The following DISC1 variants were observed in gnomAD, a reference collection of about 807,000 sequenced individuals.
DISC1 encodes the protein DISC1 scaffold protein.
Under a neutral mutation model 84.5 loss-of-function variants are expected in DISC1, and 57 were observed. The observed-to-expected ratio is 0.67, with a 90% CI of 0.55 to 0.84. DISC1 has a LOEUF of 0.84. Ranked by LOEUF, DISC1 falls within the 40% of genes least tolerant of loss-of-function variation. The probability of loss-of-function intolerance (pLI) is 0.00; values close to 1 mark genes in which losing one functional copy is unlikely to be tolerated. For synonymous variants in DISC1, 411 were observed against 415.2 expected (o/e 0.99, Z 0.12); for missense variants, 1,000 against 1,057.8 (o/e 0.95, Z 0.76).
chr1:231,778,431 T>C (rs903479532), intron 6 of DISC1, among the ~76,000 whole-genome samples: 16 of 152,162 alleles, frequency 1.1e-4, no homozygotes, highest in Admixed American at 3.9e-4. Flanking sequence ...AGGAGCTCTA[T>C]GTTAAGTTCC....
chr1:232,014,398 T>G (rs1036567159), intron 11 of DISC1, among the ~76,000 whole-genome samples: 1 of 152,230 alleles, frequency 6.6e-6, no homozygotes, highest in Non-Finnish European at 1.5e-5. Context: ...TTTTGTTTAA[T>G]GTCTTTGGGG....
At chr1:231,895,970 G>T (rs569602072) in intron 9 of DISC1, among the ~76,000 whole-genome samples, 3 of 152,236 alleles carry the variant, frequency 2.0e-5, no homozygotes, top group Admixed American at 2.0e-4. Flanking sequence ...GCTTATTGTC[G>T]TAGCTCAGTA....
chr1:231,776,570 C>T (rs529272897), intron 6 of DISC1, among the ~76,000 whole-genome samples: 3 of 152,222 alleles, frequency 2.0e-5, no homozygotes, highest in South Asian at 4.2e-4. Flanking sequence ...AGTATCCATG[C>T]CCCCAGCCAC....
chr1:231,768,348 GC>G (rs2076311717), intron 5 of DISC1, among the ~76,000 whole-genome samples: 2 of 152,114 alleles, frequency 1.3e-5, no homozygotes, highest in South Asian at 4.1e-4. Flanking sequence ...ATCTGAATTT[GC>G]CCCATCCAGG....
rs1036455793 is a variant in DISC1, at chr1:231,826,304, C to T, written c.1981+7787C>T. Among the ~76,000 whole-genome samples the T allele has an allele frequency of 2.6e-5, 4 of 152,196 alleles. No homozygotes were observed. Among genetic ancestry groups the T allele is most frequent in the African/African-American group, 4.8e-5 (2 of 41,450 alleles). On this transcript the variant is annotated intron_variant, in intron 9 of 12. Coordinates refer to ENST00000439617, the MANE Select transcript of DISC1 (RefSeq NM_018662.3). The surrounding 1 kb of genome is among the most constrained non-coding windows in gnomAD (Gnocchi z 4.2). ...TGTTCTTTATGAATTTGATTCCTAA[C>T]GTCAGTCTCTCTATCCATCCCGCAA...
chr1:231,779,112 A>G (rs2077182079), intron 6 of DISC1, among the ~76,000 whole-genome samples: 1 of 152,134 alleles, frequency 6.6e-6, no homozygotes, highest in South Asian at 2.1e-4. Context: ...AGAGTAAACT[A>G]CCTTCTGACT....
intron 10 of DISC1, among the ~76,000 whole-genome samples, chr1:232,007,086 G>C (rs1184548644): frequency 6.6e-6 from 1 of 152,194 alleles, no homozygotes; most frequent in Non-Finnish European, 1.5e-5. Context: ...GATTTCAGAG[G>C]ATGTATGGAA....
intron 9 of DISC1, among the ~76,000 whole-genome samples, chr1:231,864,392 A>G (rs973576423): frequency 2.6e-5 from 4 of 152,102 alleles, no homozygotes; most frequent in Admixed American, 6.5e-5. Flanking sequence ...GGCCGGGCGC[A>G]GTGGCTCACG....
intron 10 of DISC1, among the ~76,000 whole-genome samples, chr1:232,002,595 GCACACACACACACA>G (rs55740228): frequency 0.018 from 2,643 of 143,714 alleles, 41 homozygotes; most frequent in African/African-American, 0.042. Context: ...ATTATGCTGA[GCACACACACACACA>G]CACACACACA....
In DISC1 at chr1:231,750,082, TACTTGTTATTGTCACC is replaced by T. The variant is rs2074435574; in HGVS notation, c.1268+8_1268+23del. ...CGCCGTGGGGCCACTCAGCAGTGAG[TACTTGTTATTGTCACC>T]ATTTTCCCCTCATGTTTCTTCCTAC... On this transcript the variant is annotated splice_region_variant and intron_variant, in intron 4 of 12. Coordinates refer to ENST00000439617, the MANE Select transcript of DISC1 (RefSeq NM_018662.3). 6.2e-7 allele frequency: 1 copy of T among 1,610,872 alleles called. No homozygotes were observed. The highest frequency in any genetic ancestry group is 1.3e-5 in the African/African-American group (1 of 74,726).
intron 1 of DISC1, among the ~76,000 whole-genome samples, chr1:231,627,526 G>T (rs569001391): frequency 6.6e-6 from 1 of 152,260 alleles, no homozygotes; most frequent in Non-Finnish European, 1.5e-5. Context: ...CTACAGTAAC[G>T]GGGATGGCCC....
intron 3 of DISC1, among the ~76,000 whole-genome samples, chr1:231,736,696 T>C (rs1237938775): frequency 2.6e-5 from 4 of 152,226 alleles, no homozygotes; most frequent in Non-Finnish European, 5.9e-5. Flanking sequence ...ACATCTTGTG[T>C]ATGGTAATGT....
At chr1:231,937,168 G>A (rs944776478) in intron 9 of DISC1, among the ~76,000 whole-genome samples, 2 of 152,148 alleles carry the variant, frequency 1.3e-5, no homozygotes, top group Non-Finnish European at 2.9e-5. Context: ...ATATAGTTGA[G>A]CCAGTTATAT....
chr1:231,957,055 G>C (rs1010945961), intron 9 of DISC1, among the ~76,000 whole-genome samples: 5 of 152,182 alleles, frequency 3.3e-5, no homozygotes, highest in Non-Finnish European at 5.9e-5. Context: ...ATAGGGAGTG[G>C]CAAGGTTCTG....
intron 1 of DISC1, among the ~76,000 whole-genome samples, chr1:231,631,356 C>T (rs917160442): frequency 7.9e-5 from 12 of 152,196 alleles, no homozygotes; most frequent in African/African-American, 2.7e-4. Flanking sequence ...ATTTACTATA[C>T]ATTTTAATGT....
chr1:231,661,087 T>A (rs2061525987), intron 1 of DISC1, among the ~76,000 whole-genome samples: 1 of 152,208 alleles, frequency 6.6e-6, no homozygotes, highest in Admixed American at 6.5e-5. Flanking sequence ...CTCTTCTGGC[T>A]TGTAGGGTTT....
intron 1 of DISC1, among the ~76,000 whole-genome samples, chr1:231,691,429 CAAA>C (rs373818345): frequency 2.9e-5 from 4 of 140,062 alleles, no homozygotes; most frequent in African/African-American, 5.2e-5. Context: ...GAGACTGTCT[CAAA>C]AAAAAAACAG....
chr1:232,018,872 T>C (rs1572652055), intron 11 of DISC1, among the ~76,000 whole-genome samples: 1 of 152,276 alleles, frequency 6.6e-6, no homozygotes, highest in African/African-American at 2.4e-5. Context: ...GATAAGGCTG[T>C]TCTTGGCTGC....
intron 9 of DISC1, among the ~76,000 whole-genome samples, chr1:231,823,639 A>AT (rs2081653527): frequency 6.6e-6 from 1 of 152,148 alleles, no homozygotes; most frequent in South Asian, 2.1e-4. Context: ...TTGTATTATT[A>AT]TTTTTTACAA....
Sources: gnomAD v4.1 joint callset for allele counts (sites outside exome capture counted in the v4.1 genomes callset) on GRCh38, gnomAD v4.1.1 for gene constraint, Gnocchi (gnomAD v3.1) non-coding constraint, MANE v1.5 for transcripts, NCBI Gene and HGNC (gene_info 2026-07-23, HGNC 2026-07-21) for gene names.